Variants in RBFOX1 observed in about 807,000 individuals in gnomAD.
The protein encoded by RBFOX1 is RNA binding fox-1 homolog 1.
RBFOX1 carries 8 observed loss-of-function variants against 57.7 expected under a neutral mutation model. The observed-to-expected ratio is 0.14, with a 90% confidence interval of 0.08 to 0.25. The LOEUF is 0.25. Ranked by LOEUF, RBFOX1 falls within the 10% of genes least tolerant of loss-of-function variation. The probability of loss-of-function intolerance (pLI) is 1.00; values close to 1 mark genes in which losing one functional copy is unlikely to be tolerated. For missense variants in RBFOX1, 611 were observed against 548.5 expected (o/e 1.11, Z -1.14); for synonymous variants, 326 against 222.4 (o/e 1.47, Z -4.15).
At chr16:6,196,336 C>T (rs577619111) in intron 1 of RBFOX1, among the ~76,000 whole-genome samples, 71 of 152,240 alleles carry the variant, frequency 4.7e-4, no homozygotes, top group Non-Finnish European at 7.2e-4. Context: ...TTATTTTGAG[C>T]GAGTGACCTA....
chr16:6,114,285 C>T (rs545595769), intron 1 of RBFOX1, among the ~76,000 whole-genome samples: 3 of 152,236 alleles, frequency 2.0e-5, no homozygotes, highest in Non-Finnish European at 2.9e-5. Flanking sequence ...ATTCTTCTGT[C>T]GTTGACCATT....
intron 4 of RBFOX1, among the ~76,000 whole-genome samples, chr16:5,899,338 C>T (rs1309779249): frequency 2.0e-5 from 3 of 152,020 alleles, no homozygotes; most frequent in African/African-American, 7.2e-5. Context: ...GCCTGTCATG[C>T]AGAAGCTGTC....
chr16:6,971,882 A>G (rs2085629330), intron 3 of RBFOX1, among the ~76,000 whole-genome samples: 1 of 152,062 alleles, frequency 6.6e-6, no homozygotes, highest in South Asian at 2.1e-4. Flanking sequence ...ATCCGCTGGT[A>G]CCCTTTACAT....
intron 3 of RBFOX1, among the ~76,000 whole-genome samples, chr16:5,779,869 T>C (rs555717441): frequency 1.3e-5 from 2 of 152,348 alleles, no homozygotes; most frequent in African/African-American, 2.4e-5. Flanking sequence ...ATAATCTGCC[T>C]GATCTTCAGT....
At chr16:5,316,477 C>A (rs1192610519) in intron 1 of RBFOX1, among the ~76,000 whole-genome samples, 2 of 152,176 alleles carry the variant, frequency 1.3e-5, no homozygotes, top group Non-Finnish European at 2.9e-5. Context: ...TACTCTCCTC[C>A]ATTGCTATGA....
chr16:5,664,595 G>A (rs2049771304), intron 3 of RBFOX1, among the ~76,000 whole-genome samples: 1 of 152,022 alleles, frequency 6.6e-6, no homozygotes, highest in African/African-American at 2.4e-5. Flanking sequence ...TCTGCCACAG[G>A]ACCCAGTAAT....
chr16:7,414,671 G>A (rs1421422876), intron 4 of RBFOX1, among the ~76,000 whole-genome samples: 6 of 152,286 alleles, frequency 3.9e-5, no homozygotes, highest in Admixed American at 2.0e-4. Flanking sequence ...AGGCTGGAGT[G>A]TGGTGATGCG....
At chr16:6,951,616 C>G (rs528045156) in intron 3 of RBFOX1, among the ~76,000 whole-genome samples, 1 of 152,208 alleles carries the variant, frequency 6.6e-6, no homozygotes, top group East Asian at 1.9e-4. Flanking sequence ...GGTTTTTTCT[C>G]ATGGTGATTT....
At chr16:6,268,568 A>G (rs2074823450) in intron 1 of RBFOX1, among the ~76,000 whole-genome samples, 1 of 152,206 alleles carries the variant, frequency 6.6e-6, no homozygotes, top group South Asian at 2.1e-4. Context: ...GGTTTACTCT[A>G]GTAAACCCTA....
At chr16:5,545,299 T>TTAGG (rs58770810) in intron 2 of RBFOX1, among the ~76,000 whole-genome samples, 109,900 of 151,622 alleles carry the variant, frequency 0.72, 40,447 homozygotes, top group East Asian at 0.99. Context: ...TAACAAATAT[T>TTAGG]AAAGAAATAA....
chr16:5,798,332 G>C (rs112489361), intron 3 of RBFOX1, among the ~76,000 whole-genome samples: 1 of 152,146 alleles, frequency 6.6e-6, no homozygotes, highest in South Asian at 2.1e-4. Flanking sequence ...AAGCAGTGTC[G>C]ATTTCTCCCT....
chr16:7,311,104 C>G (rs1365861269), intron 4 of RBFOX1, among the ~76,000 whole-genome samples: 1 of 152,162 alleles, frequency 6.6e-6, no homozygotes, highest in Non-Finnish European at 1.5e-5. Context: ...AGATCAGCAG[C>G]CACTAGTGCA....
intron 3 of RBFOX1, among the ~76,000 whole-genome samples, chr16:5,711,174 A>G (rs1480668978): frequency 6.6e-6 from 1 of 152,212 alleles, no homozygotes; most frequent in East Asian, 1.9e-4. Flanking sequence ...AAACACTTAT[A>G]TAGCACTTGC....
At chr16:5,764,870 C>T (rs1051879604) in intron 3 of RBFOX1, among the ~76,000 whole-genome samples, 5 of 152,106 alleles carry the variant, frequency 3.3e-5, no homozygotes, top group Non-Finnish European at 5.9e-5. Flanking sequence ...TGTATATGGC[C>T]TTTTATTCAG....
intron 1 of RBFOX1, among the ~76,000 whole-genome samples, chr16:6,240,322 G>A (rs968706736): frequency 7.2e-5 from 11 of 152,100 alleles, no homozygotes; most frequent in African/African-American, 2.7e-4. Flanking sequence ...GGGACTAATT[G>A]TCTCCAAGGT....
At chr16:6,542,492 T>TTTTTTTTTTC (rs2096836001) in intron 2 of RBFOX1, among the ~76,000 whole-genome samples, 1 of 124,472 alleles carries the variant, frequency 8.0e-6, no homozygotes, top group Non-Finnish European at 1.7e-5. Flanking sequence ...TCTTTTTTTT[T>TTTTTTTTTTC]TTTTTTTTTT....
intron 4 of RBFOX1, among the ~76,000 whole-genome samples, chr16:7,356,021 A>C (rs192767229): frequency 6.6e-6 from 1 of 152,308 alleles, no homozygotes; most frequent in Non-Finnish European, 1.5e-5. Context: ...TGGTTTGAAA[A>C]ATGAAGAAGC....
chr16:6,853,419 G>A (rs372039668), intron 3 of RBFOX1, among the ~76,000 whole-genome samples: 2 of 152,124 alleles, frequency 1.3e-5, no homozygotes, highest in South Asian at 4.1e-4. Flanking sequence ...GATAGTGCCT[G>A]CCCCCAGCCA....
At chr16:5,915,825 C>T (rs776698115) in intron 4 of RBFOX1, among the ~76,000 whole-genome samples, 1 of 150,596 alleles carries the variant, frequency 6.6e-6, no homozygotes, top group Non-Finnish European at 1.5e-5. Context: ...GGGCGAGACT[C>T]AGTATAAAAA....
Sources: gnomAD v4.1 joint callset for allele counts (sites outside exome capture counted in the v4.1 genomes callset) on GRCh38, gnomAD v4.1.1 for gene constraint, MANE v1.5 for transcripts, NCBI Gene and HGNC (gene_info 2026-07-23, HGNC 2026-07-21) for gene names.